The following KCTD16 variants were observed in gnomAD, a reference collection of about 807,000 sequenced individuals.
The protein encoded by KCTD16 is BTB/POZ domain-containing protein KCTD16.
In KCTD16, 13 loss-of-function variants were observed where a neutral mutation model predicts 33.2. The observed-to-expected ratio is 0.39, with a 90% CI of 0.25 to 0.62. The LOEUF is 0.62. Ranked by LOEUF, KCTD16 falls within the 20% of genes least tolerant of loss-of-function variation. KCTD16 has a pLI of 0.50. For synonymous variants in KCTD16, 197 were observed against 195.3 expected, an observed-to-expected ratio of 1.01 and a Z score of -0.07; for missense variants, 441 against 525.1, an observed-to-expected ratio of 0.84 and a Z score of 1.57.
chr5:144,398,752 G>A (rs1431471576), intron 3 of KCTD16, among the ~76,000 whole-genome samples: 3 of 149,446 alleles, frequency 2.0e-5, no homozygotes, highest in Admixed American at 6.6e-5. Context: ...GTACCCCAAA[G>A]GAAGACTCTG....
At position 144,463,134 on chromosome 5, in the gene KCTD16, G is replaced by A. The variant is rs531328195; in HGVS notation, c.833-10526G>A. ...GAGGAGACTTTTATATTATGGACTT[G>A]TGCATCAGTGGTGTTTTCCTAAATA... On this transcript the variant is annotated intron_variant, in intron 3 of 3. Transcript: ENST00000512467. 2.0e-5 allele frequency among the ~76,000 whole-genome samples: 3 copies of A among 152,196 alleles called. No individual in the cohort carries two copies. In the South Asian group the frequency reaches 6.2e-4, roughly 32 times the overall value.
At chr5:144,226,257 C>A (rs1753927441) in intron 3 of KCTD16, among the ~76,000 whole-genome samples, 1 of 152,172 alleles carries the variant, frequency 6.6e-6, no homozygotes, top group East Asian at 1.9e-4. Context: ...CCCTATTTTA[C>A]AGATAAGAAG....
At chr5:144,201,913 GAGAAAACTTAAGGATGTGTTA>G (rs895645601) in intron 2 of KCTD16, among the ~76,000 whole-genome samples, 3 of 152,214 alleles carry the variant, frequency 2.0e-5, no homozygotes, top group African/African-American at 7.2e-5. Context: ...CTTGAGGGCA[GAGAAAACTTAAGGATGTGTTA>G]GGAGTGAGAA....
At chr5:144,283,546 A>C (rs73312751) in intron 3 of KCTD16, among the ~76,000 whole-genome samples, 3,084 of 152,336 alleles carry the variant, frequency 0.02, 115 homozygotes, top group African/African-American at 0.07. Context: ...TTTTGCCTGA[A>C]GTCCCTATAT....
rs559673387 is a variant in KCTD16, at chr5:144,237,129, TA to T, written c.832+29584del. Among the ~76,000 whole-genome samples the T allele has an allele frequency of 1.1e-4, 16 of 152,206 alleles. No individual in the cohort carries two copies. The South Asian group carries it at 2.9e-3, about 28-fold the overall frequency. On this transcript the variant is annotated intron_variant, in intron 3 of 3. Transcript: ENST00000512467. ...TAGGTTCTTGGGCATTCTGGGTCCC[TA>T]CCCAGAATGTTTCTCCTACTCTGAA...
chr5:144,214,215 A>T (rs1753489182), intron 3 of KCTD16, among the ~76,000 whole-genome samples: 1 of 151,790 alleles, frequency 6.6e-6, no homozygotes, highest in Non-Finnish European at 1.5e-5. Context: ...CTTCTCCTTC[A>T]TCTCCCTCAG....
At chr5:144,348,047 G>T (rs774110028) in intron 3 of KCTD16, among the ~76,000 whole-genome samples, 56 of 152,242 alleles carry the variant, frequency 3.7e-4, no homozygotes, top group Admixed American at 2.7e-3. Context: ...ACCTTTTCTG[G>T]TTTTTCTGGG....
At chr5:144,459,825 T>A (rs955449481) in intron 3 of KCTD16, among the ~76,000 whole-genome samples, 2 of 48,504 alleles carry the variant, frequency 4.1e-5, no homozygotes, top group Non-Finnish European at 8.1e-5. Context: ...CAATATCATC[T>A]TTTTTTTTTT....
intron 3 of KCTD16, among the ~76,000 whole-genome samples, chr5:144,441,009 G>A (rs994969691): frequency 5.9e-5 from 9 of 151,398 alleles, no homozygotes; most frequent in South Asian, 2.1e-4. Flanking sequence ...TTGTCCTTGC[G>A]ATAGTTTGCT....
intron 2 of KCTD16, among the ~76,000 whole-genome samples, chr5:144,186,812 T>C (rs1053306916): frequency 1.3e-5 from 2 of 152,216 alleles, no homozygotes; most frequent in Non-Finnish European, 2.9e-5. Context: ...GCCTCAGTTT[T>C]CTCAGCTGAA....
intron 3 of KCTD16, among the ~76,000 whole-genome samples, chr5:144,442,605 G>A (rs1434981112): frequency 7.0e-6 from 1 of 142,996 alleles, no homozygotes; most frequent in Non-Finnish European, 1.5e-5. Flanking sequence ...TCCTTCCTTT[G>A]ATTATTTTGA....
chr5:144,175,184 C>T (rs1752476244), intron 2 of KCTD16, among the ~76,000 whole-genome samples: 1 of 152,196 alleles, frequency 6.6e-6, no homozygotes, highest in South Asian at 2.1e-4. Context: ...TCAATTACTC[C>T]TCCTCCTGAC....
At chr5:144,283,658 T>G (rs1463814130) in intron 3 of KCTD16, among the ~76,000 whole-genome samples, 1 of 152,198 alleles carries the variant, frequency 6.6e-6, no homozygotes, top group African/African-American at 2.4e-5. Context: ...ATTACTAGCA[T>G]AGATCATAAC....
chr5:144,472,706 C>G (rs1754505556), intron 3 of KCTD16, among the ~76,000 whole-genome samples: 1 of 152,018 alleles, frequency 6.6e-6, no homozygotes, highest in Non-Finnish European at 1.5e-5. Context: ...AGCTCATGGC[C>G]TAGTAGCTAA....
intron 3 of KCTD16, among the ~76,000 whole-genome samples, chr5:144,328,106 G>A (rs1273800380): frequency 6.6e-6 from 1 of 151,614 alleles, no homozygotes; most frequent in African/African-American, 2.4e-5. Flanking sequence ...TGAGTGTAGA[G>A]CAGTGCTTTT....
intron 3 of KCTD16, among the ~76,000 whole-genome samples, chr5:144,304,806 T>A (rs1402647019): frequency 6.6e-6 from 1 of 152,080 alleles, no homozygotes; most frequent in Non-Finnish European, 1.5e-5. Context: ...TACTGTGCAC[T>A]GCAGGTCTGT....
At chr5:144,332,348 T>C (rs544785388) in intron 3 of KCTD16, among the ~76,000 whole-genome samples, 2 of 152,108 alleles carry the variant, frequency 1.3e-5, no homozygotes, top group South Asian at 2.1e-4. Context: ...GGTTGCTGGA[T>C]ACATTGGAAG....
intron 3 of KCTD16, among the ~76,000 whole-genome samples, chr5:144,299,140 ATATATATATTTTT>A (rs1324691128): frequency 3.7e-5 from 1 of 27,024 alleles, no homozygotes; most frequent in African/African-American, 3.7e-4. Context: ...ATATATATAT[ATATATATATTTTT>A]TTTTTTTTTT....
At chr5:144,350,830 T>G (rs1228278929) in intron 3 of KCTD16, among the ~76,000 whole-genome samples, 1 of 152,108 alleles carries the variant, frequency 6.6e-6, no homozygotes, top group Non-Finnish European at 1.5e-5. Context: ...TGATTATTAT[T>G]GATCTTCTCT....
Sources: allele counts gnomAD v4.1 joint callset (sites outside exome capture counted in the v4.1 genomes callset), GRCh38; gene constraint gnomAD v4.1.1; transcripts MANE v1.5; gene names NCBI Gene and HGNC (gene_info 2026-07-23, HGNC 2026-07-21).